Variants in KSR1 observed in about 807,000 individuals in gnomAD.
KSR1 encodes kinase suppressor of ras.
A neutral mutation model predicts 92.9 loss-of-function variants in KSR1; 35 were observed. The observed-to-expected ratio is 0.38, with a 90% CI of 0.29 to 0.50. KSR1 has a LOEUF of 0.50. Ranked by LOEUF, KSR1 falls within the 20% of genes least tolerant of loss-of-function variation. The pLI, the probability that KSR1 is intolerant of heterozygous loss-of-function variation, is 0.94. For missense variants in KSR1, 972 were observed against 1,158.5 expected, an observed-to-expected ratio of 0.84 and a Z score of 2.34; for synonymous variants, 467 against 472.6, an observed-to-expected ratio of 0.99 and a Z score of 0.15.
intron 1 of KSR1, among the ~76,000 whole-genome samples, chr17:27,503,980 G>A (rs532513961): frequency 6.6e-6 from 1 of 152,308 alleles, no homozygotes; most frequent in South Asian, 2.1e-4. Flanking sequence ...ACTCTAAGAA[G>A]AACAAAACAA....
At chr17:27,583,208 A>G in intron 4 of KSR1, 103 bp downstream of exon 4, 1 of 773,440 alleles carries the variant, frequency 1.3e-6, no homozygotes, top group Non-Finnish European at 2.0e-6. Flanking sequence ...AGACGTGTGT[A>G]AAGTCAAAAG....
chr17:27,526,769 A>T, intron 1 of KSR1: 4 of 1,164,552 alleles, frequency 3.4e-6, no homozygotes, highest in Non-Finnish European at 3.8e-6. Flanking sequence ...ATCATCGCAC[A>T]GTTCTCTATT....
chr17:27,545,207 C>A (rs2071121140), intron 1 of KSR1, among the ~76,000 whole-genome samples: 1 of 152,170 alleles, frequency 6.6e-6, no homozygotes, highest in Non-Finnish European at 1.5e-5. Flanking sequence ...CTCTACCGGC[C>A]TTTAAAAAAA....
At chr17:27,587,436 G>A (rs564193360) in intron 5 of KSR1, 1 of 152,314 alleles carries the variant, frequency 6.6e-6, no homozygotes, top group Non-Finnish European at 1.5e-5. Flanking sequence ...GGGATTGAGG[G>A]GGGCAGTGGC....
At chr17:27,617,770 C>T (rs750875337) in intron 19 of KSR1, 16 of 292,782 alleles carry the variant, frequency 5.5e-5, no homozygotes, top group African/African-American at 8.8e-5. Context: ...TCAAGTGATC[C>T]TCCTGCCTCA....
chr17:27,510,253 G>A (rs1297220033), intron 1 of KSR1, among the ~76,000 whole-genome samples: 2 of 152,350 alleles, frequency 1.3e-5, no homozygotes, highest in African/African-American at 4.8e-5. Flanking sequence ...GACTGGGAAG[G>A]TGGCGGTGCT....
chr17:27,590,533 G>T (rs1005907659), intron 6 of KSR1, among the ~76,000 whole-genome samples: 2 of 152,226 alleles, frequency 1.3e-5, no homozygotes, highest in African/African-American at 4.8e-5. Context: ...CAAAGGGTAT[G>T]CGCACTTGTA....
intron 10 of KSR1, among the ~76,000 whole-genome samples, chr17:27,599,996 GCAGTGACATA>G (rs2073494337): frequency 6.6e-6 from 1 of 151,842 alleles, no homozygotes; most frequent in African/African-American, 2.4e-5. Flanking sequence ...GGTCTTCGGG[GCAGTGACATA>G]CATGGAGCTG....
Position 27,621,878 on chromosome 17 carries a change from G to A in KSR1, c.2708+605G>A, listed in dbSNP as rs1052864745. On this transcript the variant is annotated intron_variant, in intron 20 of 20. Coordinates refer to ENST00000644974, the MANE Select transcript of KSR1 (RefSeq NM_001394583.1). ...TCTAGCTCCCGACAGGCTCTGCATTGGGGCTATGATTCTGATGCTGTTCTT... is the reference window on the plus strand; with the variant it reads ...TCTAGCTCCCGACAGGCTCTGCATTAGGGCTATGATTCTGATGCTGTTCTT... 4 of 1,606,502 alleles carry A rather than the reference G, an allele frequency of 2.5e-6. No individual in the cohort carries two copies. The African/African-American group carries it at 5.3e-5, about 21-fold the overall frequency.
At chr17:27,558,668 C>T (rs558118620) in intron 2 of KSR1, among the ~76,000 whole-genome samples, 74 of 151,642 alleles carry the variant, frequency 4.9e-4, no homozygotes, top group African/African-American at 1.6e-3. Context: ...AAACAGGACT[C>T]TTTCAATATT....
chr17:27,577,791 GA>G lies in KSR1; in HGVS notation c.520+154del, dbSNP rs1261196660. 1.4e-6 allele frequency: 1 copy of G among 731,208 alleles called. No homozygotes were observed. The highest frequency in any genetic ancestry group is 2.4e-6 in the Non-Finnish European group (1 of 411,956). 45.3% of individuals were successfully genotyped at this position (731,208 alleles called of 1,614,324 possible). A position where few individuals can be genotyped will look rare whatever the true frequency, so the allele number is the denominator to read the frequency against. On this transcript the variant is annotated intron_variant, in intron 3 of 20. Transcript: ENST00000644974. This position sits in a 1 kb window ranked among gnomAD's most constrained non-coding sequence, Gnocchi z 4.5. ...GGGTTGGATGTTCACAGCCTCCTGAGAAGCTCTCCCAGGGTCCTCAGGGCTC... is the reference window on the plus strand; with the variant it reads ...GGGTTGGATGTTCACAGCCTCCTGAGAGCTCTCCCAGGGTCCTCAGGGCTC...
At chr17:27,488,382 T>A (rs1356863428) in intron 1 of KSR1, among the ~76,000 whole-genome samples, 3 of 152,202 alleles carry the variant, frequency 2.0e-5, no homozygotes, top group African/African-American at 7.2e-5. Context: ...TAATAGCTGA[T>A]AACATTTCCT....
chr17:27,599,055 G>A (rs1008248976), intron 10 of KSR1, among the ~76,000 whole-genome samples: 1 of 152,220 alleles, frequency 6.6e-6, no homozygotes, highest in Non-Finnish European at 1.5e-5. Context: ...TCATTGTTAC[G>A]TGAGCATCAT....
chr17:27,545,650 A>G (rs1305944637), intron 1 of KSR1, among the ~76,000 whole-genome samples: 1 of 152,220 alleles, frequency 6.6e-6, no homozygotes, highest in Admixed American at 6.5e-5. Flanking sequence ...GAAGCAGACA[A>G]GCGTGAAAAA....
At chr17:27,539,430 G>A (rs1597979895) in intron 1 of KSR1, among the ~76,000 whole-genome samples, 2 of 152,196 alleles carry the variant, frequency 1.3e-5, no homozygotes, top group Admixed American at 6.5e-5. Flanking sequence ...TGTCATGGAC[G>A]CTTAGACCTG....
intron 1 of KSR1, among the ~76,000 whole-genome samples, chr17:27,464,741 G>C (rs2150906926): frequency 6.6e-6 from 1 of 150,906 alleles, no homozygotes; most frequent in East Asian, 1.9e-4. Flanking sequence ...AATCCTTGCA[G>C]ATTTTGCATT....
intron 18 of KSR1, among the ~76,000 whole-genome samples, chr17:27,613,696 C>T (rs901785756): frequency 1.1e-4 from 17 of 152,358 alleles, no homozygotes; most frequent in Non-Finnish European, 2.2e-4. Context: ...CCTCCTGCAA[C>T]TGTCAGTGGG....
intron 2 of KSR1, among the ~76,000 whole-genome samples, chr17:27,563,681 T>C (rs1414576457): frequency 6.6e-6 from 1 of 152,266 alleles, no homozygotes; most frequent in East Asian, 1.9e-4. Flanking sequence ...CGTCATCTCC[T>C]GCCTTTCTGC....
In KSR1 at chr17:27,614,646, T is replaced by TTTTTTTA. The variant is rs2074008955; in HGVS notation, c.2494-2636_2494-2630dup. Among the ~76,000 whole-genome samples, 3 of 152,212 alleles carry TTTTTTTA rather than the reference T, an allele frequency of 2.0e-5. No homozygotes were observed. In the South Asian group the frequency reaches 6.2e-4, roughly 32 times the overall value. On this transcript the variant is annotated intron_variant, in intron 18 of 20. Transcript: ENST00000644974. Reference sequence around the variant, plus strand: ...GCCTGGGATGGGAATAAGATCATAGTTTTTTTATTTTTTATTTTTAAATAA... The same window carrying TTTTTTTA: ...GCCTGGGATGGGAATAAGATCATAGTTTTTTTATTTTTTATTTTTTATTTTTAAATAA...
Sources: allele counts gnomAD v4.1 joint callset (sites outside exome capture counted in the v4.1 genomes callset), GRCh38; gene constraint gnomAD v4.1.1; non-coding constraint Gnocchi (gnomAD v3.1); transcripts MANE v1.5; gene names NCBI Gene and HGNC (gene_info 2026-07-23, HGNC 2026-07-21).